DIAPH3: variants seen among roughly 807,000 people sequenced by gnomAD.
DIAPH3 encodes the protein diaphanous related formin 3.
DIAPH3 carries 117 observed loss-of-function variants against 144.3 expected under a neutral mutation model. The observed-to-expected ratio is 0.81, with a 90% CI of 0.70 to 0.95. The LOEUF (loss-of-function observed/expected upper bound fraction) is 0.95. DIAPH3 is among the 40% of genes least tolerant of loss of function. DIAPH3 has a pLI of 0.00. For synonymous variants in DIAPH3, 519 were observed against 488.9 expected (o/e 1.06, Z -0.81); for missense variants, 1,421 against 1,412.7 (o/e 1.01, Z -0.09).
intron 25 of DIAPH3, among the ~76,000 whole-genome samples, chr13:59,777,108 A>C (rs2038460654): frequency 6.6e-6 from 1 of 152,180 alleles, no homozygotes; most frequent in Non-Finnish European, 1.5e-5. Flanking sequence ...AGGAATGACA[A>C]TGCTTACAGA....
intron 9 of DIAPH3, 31 bp from the exon 10 acceptor site, chr13:59,992,614 G>C (rs1217131740): frequency 6.5e-7 from 1 of 1,536,124 alleles, no homozygotes; most frequent in Non-Finnish European, 9.0e-7. Context: ...AGACAGACTG[G>C]GTTTCCAACA....
At chr13:60,152,754 G>C (rs1023254519) in intron 1 of DIAPH3, among the ~76,000 whole-genome samples, 4 of 151,812 alleles carry the variant, frequency 2.6e-5, no homozygotes, top group Admixed American at 1.3e-4. Flanking sequence ...AAGATTGCAA[G>C]TTTCTTATTT....
intron 22 of DIAPH3, among the ~76,000 whole-genome samples, chr13:59,845,773 A>G (rs2042597077): frequency 6.6e-6 from 1 of 152,190 alleles, no homozygotes; most frequent in Admixed American, 6.5e-5. Flanking sequence ...CACAACTAGT[A>G]ATTATCTCTA....
In DIAPH3 at chr13:59,666,840, T is replaced by A. The variant is rs1166886036; in HGVS notation, c.3326A>T (p.Gln1109Leu). Residue 1109 changes from glutamine to leucine, a missense_variant, in exon 28 of 28, where the codon CAG becomes CTG. Coordinates refer to ENST00000400324, the MANE Select transcript of DIAPH3 (RefSeq NM_001042517.2). ...PVLKVCNHENQKVQLTEGSRS... is the reference protein window; with the variant it reads ...PVLKVCNHENLKVQLTEGSRS... The stretch of plus-strand genomic sequence containing the variant: ...TGACCCTTCTGTCAACTGCACTTTC[T>A]GATTTTCTACAGTAAGGAAAAAAGA... 1.2e-5 allele frequency: 20 copies of A among 1,613,994 alleles called. No homozygotes were observed. Among genetic ancestry groups the A allele is most frequent in the Non-Finnish European group, 1.7e-5 (20 of 1,179,978 alleles).
intron 24 of DIAPH3, among the ~76,000 whole-genome samples, chr13:59,817,035 T>C (rs987970418): frequency 6.6e-6 from 1 of 151,866 alleles, no homozygotes; most frequent in African/African-American, 2.4e-5. Context: ...TAAAATTTCA[T>C]CCTTTTAATT....
intron 20 of DIAPH3, among the ~76,000 whole-genome samples, chr13:59,893,247 C>T (rs2045913093): frequency 6.6e-6 from 1 of 152,074 alleles, no homozygotes; most frequent in Non-Finnish European, 1.5e-5. Flanking sequence ...ATGTGGCTTT[C>T]CATTGCCATT....
At chr13:59,691,042 AAAG>A (rs1029338208) in intron 27 of DIAPH3, among the ~76,000 whole-genome samples, 4 of 152,154 alleles carry the variant, frequency 2.6e-5, no homozygotes, top group Admixed American at 2.0e-4. Flanking sequence ...TCTGTCAAAT[AAAG>A]AAGAATAGTA....
At chr13:59,729,602 A>G (rs1002099055) in intron 27 of DIAPH3, among the ~76,000 whole-genome samples, 1 of 152,008 alleles carries the variant, frequency 6.6e-6, no homozygotes, top group African/African-American at 2.4e-5. Context: ...TATACGTGTG[A>G]TAAATTGCAA....
intron 27 of DIAPH3, among the ~76,000 whole-genome samples, chr13:59,720,383 A>G (rs1021233958): frequency 2.0e-5 from 3 of 152,130 alleles, no homozygotes; most frequent in Non-Finnish European, 2.9e-5. Flanking sequence ...AACTGTAAAA[A>G]CACTATGCTC....
intron 20 of DIAPH3, among the ~76,000 whole-genome samples, chr13:59,892,617 A>G (rs1288589952): frequency 6.6e-6 from 1 of 152,036 alleles, no homozygotes; most frequent in African/African-American, 2.4e-5. Flanking sequence ...TCCAAGTCCT[A>G]AAGCACCAAT....
intron 2 of DIAPH3, among the ~76,000 whole-genome samples, chr13:60,113,567 A>T (rs2058626951): frequency 6.6e-6 from 1 of 152,190 alleles, no homozygotes; most frequent in Admixed American, 6.5e-5. Flanking sequence ...TTTCTGTAGG[A>T]TTTAGAAAGT....
chr13:60,095,338 T>C (rs2058074960), intron 3 of DIAPH3, among the ~76,000 whole-genome samples: 1 of 152,142 alleles, frequency 6.6e-6, no homozygotes, highest in Non-Finnish European at 1.5e-5. Context: ...CAGGGCTAAC[T>C]CATAGGCAGT....
intron 4 of DIAPH3, among the ~76,000 whole-genome samples, chr13:60,085,603 G>A (rs1466165220): frequency 6.6e-6 from 1 of 152,094 alleles, no homozygotes; most frequent in African/African-American, 2.4e-5. Flanking sequence ...TGGATATCAA[G>A]ATCAAGAGTT....
intron 20 of DIAPH3, among the ~76,000 whole-genome samples, chr13:59,898,689 T>C (rs769722616): frequency 5.3e-5 from 8 of 152,214 alleles, no homozygotes; most frequent in Non-Finnish European, 1.2e-4. Context: ...TAGATACTTA[T>C]GGCAGGCTAA....
intron 27 of DIAPH3, among the ~76,000 whole-genome samples, chr13:59,730,807 G>A (rs958234606): frequency 6.6e-6 from 1 of 152,146 alleles, no homozygotes. Flanking sequence ...TTCAAAGGAT[G>A]TTGAGATGAT....
At chr13:59,927,209 T>TC (rs145819140) in intron 17 of DIAPH3, among the ~76,000 whole-genome samples, 281 of 152,296 alleles carry the variant, frequency 1.8e-3, no homozygotes, top group African/African-American at 6.5e-3. Context: ...TCACTGTTTA[T>TC]CTTTACAGGT....
At chr13:59,730,807 G>T (rs958234606) in intron 27 of DIAPH3, among the ~76,000 whole-genome samples, 25 of 152,146 alleles carry the variant, frequency 1.6e-4, no homozygotes, top group African/African-American at 6.0e-4. Context: ...TTCAAAGGAT[G>T]TTGAGATGAT....
At chr13:60,107,599 T>A (rs1312276887) in intron 3 of DIAPH3, among the ~76,000 whole-genome samples, 3 of 152,154 alleles carry the variant, frequency 2.0e-5, no homozygotes, top group Admixed American at 6.5e-5. Context: ...AAATAGTAGG[T>A]CATCTAAGTT....
At chr13:59,897,456 A>G (rs902571541) in intron 20 of DIAPH3, among the ~76,000 whole-genome samples, 2 of 152,204 alleles carry the variant, frequency 1.3e-5, no homozygotes, top group African/African-American at 4.8e-5. Flanking sequence ...GTTCTTAAGG[A>G]AAGTGGGTGC....
Sources: allele counts gnomAD v4.1 joint callset (sites outside exome capture counted in the v4.1 genomes callset), GRCh38; gene constraint gnomAD v4.1.1; transcripts MANE v1.5; gene names NCBI Gene and HGNC (gene_info 2026-07-23, HGNC 2026-07-21).